PCSK2: variants seen among roughly 807,000 people sequenced by gnomAD.
The protein encoded by PCSK2 is neuroendocrine convertase 2.
PCSK2 carries 14 observed loss-of-function variants against 69.7 expected under a neutral mutation model. The observed-to-expected ratio is 0.20, with a 90% CI of 0.13 to 0.31. The LOEUF is 0.31. Among genes scored for constraint, PCSK2 ranks in the 10% least tolerant of loss-of-function variants. PCSK2 has a pLI of 1.00. For missense variants in PCSK2, 544 were observed against 842.5 expected (o/e 0.65, Z 4.39); for synonymous variants, 307 against 320.7 (o/e 0.96, Z 0.46).
At chr20:17,462,629 G>A (rs12624641) in intron 10 of PCSK2, among the ~76,000 whole-genome samples, 12,955 of 152,230 alleles carry the variant, frequency 0.085, 643 homozygotes, top group East Asian at 0.17. Context: ...TGGGGACAGG[G>A]ACATCCGTCT....
At chr20:17,345,238 G>C (rs552627367) in intron 2 of PCSK2, among the ~76,000 whole-genome samples, 59 of 152,246 alleles carry the variant, frequency 3.9e-4, no homozygotes, top group African/African-American at 1.4e-3. Flanking sequence ...CTACCCAAAT[G>C]CTGCCCCTGC....
intron 5 of PCSK2, among the ~76,000 whole-genome samples, chr20:17,397,394 G>A (rs2031534193): frequency 6.6e-6 from 1 of 152,034 alleles, no homozygotes; most frequent in Non-Finnish European, 1.5e-5. Context: ...TTTAATAGCA[G>A]GAAACCCTCC....
At position 17,481,640 on chromosome 20, in the gene PCSK2, G is replaced by A. The variant is rs764626068; in HGVS notation, c.1487G>A (p.Gly496Glu). 2.4e-5 allele frequency: 38 copies of A among 1,613,932 alleles called. 1 individual carries two copies. The South Asian group carries it at 4.1e-4, about 17-fold the overall frequency. Residue 496 changes from glycine to glutamate, a missense_variant, in exon 12 of 12, where the codon GGG (glycine) becomes GAG (glutamate). By Grantham distance (98) the Gly-to-Glu change is moderately conservative. This residue lies in a region of PCSK2 where 200 missense variants were observed against 287.8 expected (regional missense o/e 0.69). Coordinates refer to ENST00000262545, the MANE Select transcript of PCSK2 (RefSeq NM_002594.5). ...VLTLTTDACE[G>E]KENFVRYLEH... ...ACACTCACAACCGACGCCTGTGAGG[G>A]GAAGGAAAATTTTGTCCGCTACCTG...
intron 4 of PCSK2, among the ~76,000 whole-genome samples, chr20:17,364,778 T>G (rs1334589455): frequency 6.6e-6 from 1 of 152,228 alleles, no homozygotes; most frequent in Non-Finnish European, 1.5e-5. Flanking sequence ...GGCTGGGCAC[T>G]GCTCACTCAG....
chr20:17,242,325 C>G (rs188415667), intron 1 of PCSK2, among the ~76,000 whole-genome samples: 7 of 152,328 alleles, frequency 4.6e-5, no homozygotes, highest in African/African-American at 1.7e-4. Context: ...CACACAGCCT[C>G]TTACAAATCA....
chr20:17,359,610 C>T (rs901285907), intron 3 of PCSK2, among the ~76,000 whole-genome samples: 1 of 152,118 alleles, frequency 6.6e-6, no homozygotes, highest in African/African-American at 2.4e-5. Flanking sequence ...ATGTCATTGG[C>T]CAAAATCAGT....
intron 2 of PCSK2, among the ~76,000 whole-genome samples, chr20:17,293,077 G>T (rs149653992): frequency 6.6e-6 from 1 of 152,024 alleles, no homozygotes; most frequent in Non-Finnish European, 1.5e-5. Flanking sequence ...CACCTGCCTC[G>T]GCCTCTCAAA....
chr20:17,349,524 G>C (rs1403512488), intron 2 of PCSK2, among the ~76,000 whole-genome samples: 3 of 152,098 alleles, frequency 2.0e-5, no homozygotes, highest in African/African-American at 7.2e-5. Flanking sequence ...CCCTCCCCAG[G>C]AAGATAACAG....
intron 6 of PCSK2, among the ~76,000 whole-genome samples, chr20:17,421,836 A>AAAAAAAAAAAAAAAAAAAAAAC (rs2032136530): frequency 6.8e-6 from 1 of 146,522 alleles, no homozygotes; most frequent in Non-Finnish European, 1.5e-5. Context: ...AAAAAAAAAA[A>AAAAAAAAAAAAAAAAAAAAAAC]AAGACGAAAA....
chr20:17,389,662 G>C (rs2031324916), intron 5 of PCSK2, among the ~76,000 whole-genome samples: 1 of 152,152 alleles, frequency 6.6e-6, no homozygotes, highest in African/African-American at 2.4e-5. Context: ...CTAATCTGGG[G>C]AGCTGTGAGG....
chr20:17,413,293 C>T (rs1263859634), intron 6 of PCSK2, among the ~76,000 whole-genome samples: 7 of 152,066 alleles, frequency 4.6e-5, no homozygotes, highest in Admixed American at 1.3e-4. Flanking sequence ...ACCCATCTCA[C>T]GTGCGGAGAC....
At chr20:17,332,844 A>G (rs1990240085) in intron 2 of PCSK2, among the ~76,000 whole-genome samples, 1 of 152,226 alleles carries the variant, frequency 6.6e-6, no homozygotes, top group East Asian at 1.9e-4. Context: ...CCTTTATTTT[A>G]CTATATATGC....
At chr20:17,438,349 C>T (rs189808705) in intron 8 of PCSK2, among the ~76,000 whole-genome samples, 5 of 152,196 alleles carry the variant, frequency 3.3e-5, no homozygotes, top group Admixed American at 6.5e-5. Flanking sequence ...ATGTACAGAA[C>T]GCTATGTTTA....
chr20:17,480,384 T>G (rs2033378480), intron 11 of PCSK2, among the ~76,000 whole-genome samples: 1 of 151,636 alleles, frequency 6.6e-6, no homozygotes. Flanking sequence ...AGAGACAGGG[T>G]TTCGCCATGT....
chr20:17,295,350 T>C (rs2123074907), intron 2 of PCSK2, among the ~76,000 whole-genome samples: 1 of 152,124 alleles, frequency 6.6e-6, no homozygotes, highest in East Asian at 1.9e-4. Flanking sequence ...CCAGACAGTC[T>C]GATTCAGAGC....
chr20:17,253,896 G>A lies in PCSK2; in HGVS notation c.178-6344G>A, dbSNP rs527569818. On this transcript the variant is annotated intron_variant, in intron 1 of 11. Transcript: ENST00000262545. Reference sequence around the variant, plus strand: ...GCTGGTTTGGGTGCAGTTGGGCAGGGGTTGATTTTACCCATTCTAGTGTGT... The same window carrying A: ...GCTGGTTTGGGTGCAGTTGGGCAGGAGTTGATTTTACCCATTCTAGTGTGT... 1.1e-3 allele frequency among the ~76,000 whole-genome samples: 161 copies of A among 152,156 alleles called. 1 individual carries two copies. The highest frequency in any genetic ancestry group is 3.8e-3 in the African/African-American group (158 of 41,522).
At chr20:17,227,528 C>CA in intron 1 of PCSK2, 46 bp downstream of exon 1, 1 of 1,461,276 alleles carries the variant, frequency 6.8e-7, no homozygotes, top group Non-Finnish European at 9.5e-7. Flanking sequence ...AACGGGGGGA[C>CA]GGGGGGGCAG....
At chr20:17,479,193 G>T in intron 11 of PCSK2, 1 of 1,381,810 alleles carries the variant, frequency 7.2e-7, no homozygotes, top group South Asian at 1.2e-5. Flanking sequence ...AGGAGCTGCT[G>T]TGCGAAAGCC....
intron 4 of PCSK2, among the ~76,000 whole-genome samples, chr20:17,367,199 A>G (rs1243090748): frequency 6.6e-6 from 1 of 152,130 alleles, no homozygotes; most frequent in African/African-American, 2.4e-5. Context: ...TAACAAATAG[A>G]AGCAATTTAA....
Sources: gnomAD v4.1 joint callset for allele counts (sites outside exome capture counted in the v4.1 genomes callset) on GRCh38, gnomAD v4.1.1 for gene constraint, gnomAD v4.1.1 regional missense constraint, MANE v1.5 for transcripts, NCBI Gene and HGNC (gene_info 2026-07-23, HGNC 2026-07-21) for gene names.